The following LINGO2 variants were observed in gnomAD, a reference collection of about 807,000 sequenced individuals.
LINGO2 encodes the protein leucine-rich repeat and immunoglobulin-like domain-containing nogo receptor-interacting protein 2.
A neutral mutation model predicts 30.6 loss-of-function variants in LINGO2; 14 were observed. That is an observed-to-expected ratio of 0.46 (90% CI 0.30 to 0.72). The LOEUF (loss-of-function observed/expected upper bound fraction) is 0.72. Among genes scored for constraint, LINGO2 ranks in the 30% least tolerant of loss-of-function variants. The probability of loss-of-function intolerance (pLI) is 0.07; values close to 1 mark genes in which losing one functional copy is unlikely to be tolerated. For synonymous variants in LINGO2, 317 were observed against 288.5 expected, an observed-to-expected ratio of 1.10 and a Z score of -1.00; for missense variants, 729 against 751.7, an observed-to-expected ratio of 0.97 and a Z score of 0.35.
intron 4 of LINGO2, among the ~76,000 whole-genome samples, chr9:28,123,441 T>C (rs921363903): frequency 6.6e-6 from 1 of 152,148 alleles, no homozygotes; most frequent in Non-Finnish European, 1.5e-5. Context: ...CAGTTGTAAG[T>C]GTGTCCTTCT....
At chr9:29,051,109 C>A in the LINGO2 span, among the ~76,000 whole-genome samples, 1 of 152,142 alleles carries the variant, frequency 6.6e-6, no homozygotes, top group African/African-American at 2.4e-5. Flanking sequence ...CTATTATCAA[C>A]ATTCCTTAGG....
intron 2 of LINGO2, among the ~76,000 whole-genome samples, chr9:28,373,092 G>T (rs968082672): frequency 2.0e-5 from 3 of 151,568 alleles, no homozygotes; most frequent in African/African-American, 2.4e-5. Context: ...GTCATAATTT[G>T]CTTTTTAAAA....
At chr9:28,234,018 C>T (rs1308879827) in intron 4 of LINGO2, among the ~76,000 whole-genome samples, 4 of 152,166 alleles carry the variant, frequency 2.6e-5, no homozygotes, top group Non-Finnish European at 5.9e-5. Flanking sequence ...CCTATGGTGG[C>T]TATAGTGAAA....
At chr9:29,074,217 T>C in the LINGO2 span, among the ~76,000 whole-genome samples, 2 of 152,128 alleles carry the variant, frequency 1.3e-5, no homozygotes, top group Non-Finnish European at 2.9e-5. Context: ...TAAATCTACA[T>C]AAATGTATCA....
chr9:28,884,146 G>A, the LINGO2 span, among the ~76,000 whole-genome samples: 2 of 151,238 alleles, frequency 1.3e-5, no homozygotes, highest in Non-Finnish European at 2.9e-5. Flanking sequence ...GTTGAACAAA[G>A]TATAAAAAGA....
chr9:28,599,135 C>T (rs1180727052), intron 1 of LINGO2: 1 of 152,034 alleles, frequency 6.6e-6, no homozygotes, highest in African/African-American at 2.4e-5. Flanking sequence ...CTCAAAAGTA[C>T]CTTTGTTTTC....
the LINGO2 span, among the ~76,000 whole-genome samples, chr9:28,721,896 C>T: frequency 6.6e-6 from 1 of 151,670 alleles, no homozygotes; most frequent in Non-Finnish European, 1.5e-5. Flanking sequence ...GTTAAAATAG[C>T]CAAAATTTGT....
chr9:28,459,811 A>G (rs1441636485), intron 2 of LINGO2, among the ~76,000 whole-genome samples: 2 of 152,254 alleles, frequency 1.3e-5, no homozygotes, highest in East Asian at 3.9e-4. Flanking sequence ...ATATTATTGT[A>G]TGTGCTTTGA....
chr9:28,156,521 G>A (rs1828134573), intron 4 of LINGO2, among the ~76,000 whole-genome samples: 1 of 152,100 alleles, frequency 6.6e-6, no homozygotes, highest in Admixed American at 6.6e-5. Context: ...ACGTTTACTG[G>A]GAAAATAAGA....
intron 4 of LINGO2, among the ~76,000 whole-genome samples, chr9:28,164,280 G>A (rs1262619765): frequency 1.3e-5 from 2 of 152,128 alleles, no homozygotes; most frequent in Non-Finnish European, 2.9e-5. Context: ...ATCACTGACA[G>A]TGTGCTATAC....
chr9:28,748,445 GA>G, the LINGO2 span, among the ~76,000 whole-genome samples: 4 of 149,562 alleles, frequency 2.7e-5, no homozygotes, highest in Admixed American at 6.7e-5. Flanking sequence ...ACTACTATAA[GA>G]AAAAAAAATG....
intron 4 of LINGO2, among the ~76,000 whole-genome samples, chr9:28,169,471 T>C (rs760921181): frequency 1.8e-4 from 28 of 152,200 alleles, no homozygotes; most frequent in Non-Finnish European, 3.8e-4. Flanking sequence ...TATTCAGTAA[T>C]AACCTATCAA....
chr9:28,207,246 A>G (rs1820439508), intron 4 of LINGO2, among the ~76,000 whole-genome samples: 1 of 152,128 alleles, frequency 6.6e-6, no homozygotes, highest in Non-Finnish European at 1.5e-5. Context: ...AAGTCAAAGA[A>G]AGTACATTTT....
chr9:29,042,781 T>C, the LINGO2 span, among the ~76,000 whole-genome samples: 1 of 151,950 alleles, frequency 6.6e-6, no homozygotes, highest in Non-Finnish European at 1.5e-5. Flanking sequence ...ACACACAATT[T>C]GGATAAATCT....
the LINGO2 span, among the ~76,000 whole-genome samples, chr9:28,897,008 T>C: frequency 1.3e-5 from 2 of 152,218 alleles, no homozygotes; most frequent in Admixed American, 6.5e-5. Context: ...AATTATTCCT[T>C]GAAGGTATTA....
the LINGO2 span, among the ~76,000 whole-genome samples, chr9:28,732,372 A>G: frequency 6.6e-6 from 1 of 152,078 alleles, no homozygotes; most frequent in African/African-American, 2.4e-5. Context: ...ATGAAAAAAA[A>G]AATCCAACAC....
intron 4 of LINGO2, among the ~76,000 whole-genome samples, chr9:28,070,994 C>T (rs1459678706): frequency 6.6e-6 from 1 of 152,148 alleles, no homozygotes; most frequent in Non-Finnish European, 1.5e-5. Flanking sequence ...GCATTACAGG[C>T]CTAAGCCACC....
the LINGO2 span, among the ~76,000 whole-genome samples, chr9:29,164,831 A>T: frequency 6.6e-6 from 1 of 152,152 alleles, no homozygotes; most frequent in Admixed American, 6.5e-5. Context: ...CTTATTGCTG[A>T]CACTAATAAG....
chr9:29,003,086 A>G, the LINGO2 span, among the ~76,000 whole-genome samples: 4 of 152,018 alleles, frequency 2.6e-5, no homozygotes, highest in Non-Finnish European at 2.9e-5. Context: ...ACCTCAAAAC[A>G]AGGAATGTCC....
Sources: allele counts gnomAD v4.1 joint callset (sites outside exome capture counted in the v4.1 genomes callset), GRCh38; gene constraint gnomAD v4.1.1; transcripts MANE v1.5; gene names NCBI Gene and HGNC (gene_info 2026-07-23, HGNC 2026-07-21).